The following BEND7 variants were observed in gnomAD, a reference collection of about 807,000 sequenced individuals.
The protein encoded by BEND7 is BEN domain-containing protein 7.
Under a neutral mutation model 50.9 loss-of-function variants are expected in BEND7, and 28 were observed. That is an observed-to-expected ratio of 0.55 (90% CI 0.41 to 0.75). The LOEUF (loss-of-function observed/expected upper bound fraction) is 0.75. Among genes scored for constraint, BEND7 ranks in the 30% least tolerant of loss-of-function variants. The pLI is 0.00. For missense variants in BEND7, 477 were observed against 491.3 expected (o/e 0.97, Z 0.28); for synonymous variants, 170 against 183.9 (o/e 0.92, Z 0.61).
rs1031099123 is a variant in BEND7 at position 13,441,095 on chromosome 10, A to G, written c.*648T>C. 2 of 985,338 alleles carry G rather than the reference A, an allele frequency of 2.0e-6. No homozygotes were observed. Among genetic ancestry groups the G allele is most frequent in the Non-Finnish European group, 2.4e-6 (2 of 829,810 alleles). The allele number at this position is 985,338 out of a possible 1,614,324, so 61.0% of individuals were successfully genotyped here. Reference sequence around the variant, plus strand: ...GCAAGATCCGCACGCACGTTCAATTAAAGTAATTTATTGTATTCTTCCAGA... The same window carrying G: ...GCAAGATCCGCACGCACGTTCAATTGAAGTAATTTATTGTATTCTTCCAGA... On this transcript the variant is annotated 3_prime_UTR_variant, in exon 9 of 9. Coordinates refer to ENST00000466271, the MANE Select transcript of BEND7 (RefSeq NM_001369863.1).
intron 5 of BEND7, among the ~76,000 whole-genome samples, chr10:13,482,120 T>C (rs1387616548): frequency 6.6e-6 from 1 of 152,242 alleles, no homozygotes; most frequent in Non-Finnish European, 1.5e-5. Context: ...ATTAGAATTA[T>C]TTATTAGATT....
intron 8 of BEND7, chr10:13,446,436 G>GA (rs938317702): frequency 6.6e-6 from 1 of 152,204 alleles, no homozygotes; most frequent in African/African-American, 2.4e-5. Context: ...AAAACTAGAG[G>GA]AAAAAACATT....
intron 6 of BEND7, among the ~76,000 whole-genome samples, chr10:13,453,469 T>TA (rs889800678): frequency 4.6e-4 from 70 of 151,784 alleles, no homozygotes; most frequent in African/African-American, 1.5e-3. Flanking sequence ...AGGTTTCTCT[T>TA]AAAAAAAAGA....
chr10:13,438,695 C>A (rs1440230654), downstream of BEND7: 1 of 155,904 alleles, frequency 6.4e-6, no homozygotes, highest in East Asian at 1.9e-4. Context: ...TCTCTTTGGT[C>A]GATCTATTGA....
At chr10:13,453,944 C>A (rs1208532183) in intron 6 of BEND7, among the ~76,000 whole-genome samples, 2 of 152,282 alleles carry the variant, frequency 1.3e-5, no homozygotes, top group South Asian at 4.1e-4. Context: ...AAGAGAAAAG[C>A]GGCTATATGT....
chr10:13,443,228 G>T (rs1835601671), intron 8 of BEND7: 1 of 152,620 alleles, frequency 6.6e-6, no homozygotes, highest in Admixed American at 6.5e-5. Flanking sequence ...AACATGACAG[G>T]TAAGCTTGAC....
chr10:13,457,336 C>G (rs1839206415), intron 6 of BEND7, among the ~76,000 whole-genome samples: 1 of 152,216 alleles, frequency 6.6e-6, no homozygotes, highest in African/African-American at 2.4e-5. Flanking sequence ...CTAGTCCAAC[C>G]TTGAGCTCAA....
intron 6 of BEND7, among the ~76,000 whole-genome samples, chr10:13,456,295 A>G (rs1408510941): frequency 6.6e-6 from 1 of 152,148 alleles, no homozygotes; most frequent in Non-Finnish European, 1.5e-5. Context: ...GGAGCAGCTG[A>G]GGAGCAACCG....
rs201983680 is a variant in BEND7 at position 13,492,729 on chromosome 10, A to T, written c.719T>A (p.Met240Lys). 16 of 1,614,100 alleles carry T rather than the reference A, an allele frequency of 9.9e-6. No homozygotes were observed. In the East Asian group the frequency reaches 3.1e-4, roughly 31 times the overall value. Reference sequence around the variant, plus strand: ...AGAGGCCACCACCGACTTTTTCTCCATCTCTGACCCACTGGGCTTCTGTTT... The same window carrying T: ...AGAGGCCACCACCGACTTTTTCTCCTTCTCTGACCCACTGGGCTTCTGTTT... Reference protein sequence around the residue: ...TVKQKPSGSEMEKKSVVASEL... With the variant: ...TVKQKPSGSEKEKKSVVASEL... The change falls in exon 5 of 9, where the codon ATG becomes AAG. Residue 240 changes from methionine to lysine, a missense_variant. By Grantham distance (95) the Met-to-Lys change is moderately conservative. Coordinates refer to ENST00000466271, the MANE Select transcript of BEND7 (RefSeq NM_001369863.1).
intron 2 of BEND7, chr10:13,500,381 A>T (rs970870804): frequency 2.5e-5 from 13 of 514,966 alleles, no homozygotes; most frequent in Non-Finnish European, 3.6e-5. Flanking sequence ...CATTTTCTGA[A>T]TGAGTAGGTG....
Position 13,500,035 on chromosome 10 carries a change from C to T in BEND7, c.191G>A (p.Arg64Lys). ...EIKKQITGMR[R>K]LLNDSTGRIY... ...CCGCCCAGTGCTGTCGTTCAGCAAT[C>T]TTCTCATCCCTGTAATTTGCTTTTT... The change falls in exon 3 of 9, where the codon AGA (arginine) becomes AAA (lysine). Residue 64 changes from arginine to lysine, a missense_variant. By Grantham distance (26) the Arg-to-Lys change is conservative. This residue lies in a region of BEND7 where 396 missense variants were observed against 384.2 expected (regional missense o/e 1.03). Transcript: ENST00000466271. The T allele has an allele frequency of 6.2e-7, 1 of 1,608,144 alleles. No homozygotes were observed. Among genetic ancestry groups the T allele is most frequent in the Admixed American group, 1.7e-5 (1 of 59,746 alleles).
intron 2 of BEND7, chr10:13,502,986 G>A: frequency 2.1e-6 from 2 of 952,236 alleles, no homozygotes; most frequent in Non-Finnish European, 1.3e-6. Flanking sequence ...TAGATACAGT[G>A]CTACCATTAG....
At chr10:13,455,123 G>C (rs1462148928) in intron 6 of BEND7, among the ~76,000 whole-genome samples, 2 of 152,086 alleles carry the variant, frequency 1.3e-5, no homozygotes, top group Admixed American at 1.3e-4. Context: ...AGTGAGCCGA[G>C]AACGCACCAC....
intron 5 of BEND7, among the ~76,000 whole-genome samples, chr10:13,489,742 G>C (rs996766938): frequency 2.0e-4 from 30 of 152,126 alleles, no homozygotes; most frequent in African/African-American, 5.6e-4. Flanking sequence ...GCCTTGAAGG[G>C]GAGTAGGTGG....
At chr10:13,504,071 C>A (rs1311033986) in intron 2 of BEND7, among the ~76,000 whole-genome samples, 1 of 152,092 alleles carries the variant, frequency 6.6e-6, no homozygotes, top group African/African-American at 2.4e-5. Flanking sequence ...ACATTTGGGG[C>A]AGGTGGGGCA....
chr10:13,488,033 A>G (rs2076362427), intron 5 of BEND7, among the ~76,000 whole-genome samples: 3 of 149,930 alleles, frequency 2.0e-5, no homozygotes. Context: ...GTGAGCCAAG[A>G]TCATGCCACT....
intron 6 of BEND7, 60 bp downstream of exon 6, chr10:13,480,839 G>A (rs776782872): frequency 7.6e-5 from 121 of 1,602,418 alleles, no homozygotes; most frequent in Non-Finnish European, 9.5e-5. Flanking sequence ...CAGCTGCATC[G>A]TTACGGAATG....
At position 13,528,565 on chromosome 10, in the gene BEND7, AGGCGGCGGC is replaced by A; in HGVS notation, c.-41_-33del. ...GGGAAGGCGGCGGCGGGGGCTGAGG[AGGCGGCGGC>A]AGCGGCGGCAGCGGCAGCGGCGGCA... is the stretch of plus-strand genomic sequence containing the variant. On this transcript the variant is annotated 5_prime_UTR_variant, in exon 1 of 9. Coordinates refer to ENST00000466271, the MANE Select transcript of BEND7 (RefSeq NM_001369863.1). 1 of 943,448 alleles carries A rather than the reference AGGCGGCGGC, an allele frequency of 1.1e-6. No individual in the cohort carries two copies. Among genetic ancestry groups the A allele is most frequent in the Non-Finnish European group, 1.2e-6 (1 of 810,516 alleles). The allele number at this position is 943,448 out of a possible 1,614,324, so 58.4% of individuals were successfully genotyped here.
chr10:13,497,022 C>G, intron 3 of BEND7, 134 bp from the exon 4 acceptor site: 2 of 1,124,280 alleles, frequency 1.8e-6, no homozygotes, highest in South Asian at 1.7e-5. Flanking sequence ...GAAGCTGTGC[C>G]TAAGGAAAAC....
Sources: gnomAD v4.1 joint callset for allele counts (sites outside exome capture counted in the v4.1 genomes callset) on GRCh38, gnomAD v4.1.1 for gene constraint, gnomAD v4.1.1 regional missense constraint, MANE v1.5 for transcripts, NCBI Gene and HGNC (gene_info 2026-07-23, HGNC 2026-07-21) for gene names.